SGIP1: variants seen among roughly 807,000 people sequenced by gnomAD.
The protein encoded by SGIP1 is SH3-containing GRB2-like protein 3-interacting protein 1.
SGIP1 carries 38 observed loss-of-function variants against 107.5 expected under a neutral mutation model. The observed-to-expected ratio is 0.35, with a 90% confidence interval of 0.27 to 0.46. The LOEUF (loss-of-function observed/expected upper bound fraction) is 0.46. SGIP1 is among the 20% of genes least tolerant of loss of function. SGIP1 has a pLI of 1.00. For synonymous variants in SGIP1, 365 were observed against 366.1 expected (o/e 1.00, Z 0.03); for missense variants, 929 against 1,019.5 (o/e 0.91, Z 1.21).
chr1:66,590,008 A>G (rs986190941), intron 1 of SGIP1, among the ~76,000 whole-genome samples: 1 of 152,164 alleles, frequency 6.6e-6, no homozygotes, highest in Non-Finnish European at 1.5e-5. Context: ...CAGGTGTTAA[A>G]TTCCTTGAGG....
chr1:66,749,156 T>TTC lies in SGIP1; in HGVS notation c.*6062_*6063insCT, dbSNP rs2094591922. 3.3e-5 allele frequency among the ~76,000 whole-genome samples: 5 copies of TTC among 152,028 alleles called. No individual in the cohort carries two copies. The South Asian group carries it at 1.0e-3, about 31-fold the overall frequency. ...CAAAACAATAAAATTATTTTAATTTTTGTATTATTTTTAAGGCTTGCACCT... is the reference window on the plus strand; with the variant it reads ...CAAAACAATAAAATTATTTTAATTTTTCTGTATTATTTTTAAGGCTTGCACCT... On this transcript the variant is annotated 3_prime_UTR_variant, in exon 25 of 25. Transcript: ENST00000371037.
intron 18 of SGIP1, among the ~76,000 whole-genome samples, chr1:66,711,172 T>C (rs986338219): frequency 6.6e-6 from 1 of 152,210 alleles, no homozygotes; most frequent in Non-Finnish European, 1.5e-5. Context: ...CCTTCTATCA[T>C]TATGTACTAT....
intron 1 of SGIP1, among the ~76,000 whole-genome samples, chr1:66,587,860 GA>G (rs1334200802): frequency 6.6e-6 from 1 of 151,942 alleles, no homozygotes; most frequent in Non-Finnish European, 1.5e-5. Flanking sequence ...AGAAAGAAAG[GA>G]AAAAACCCTT....
intron 19 of SGIP1, among the ~76,000 whole-genome samples, chr1:66,722,562 G>A (rs2093589742): frequency 6.6e-6 from 1 of 152,162 alleles, no homozygotes; most frequent in African/African-American, 2.4e-5. Flanking sequence ...TGGCTACTAT[G>A]TACCTGCCAT....
At chr1:66,544,169 C>T (rs974710353) in intron 1 of SGIP1, among the ~76,000 whole-genome samples, 1 of 152,284 alleles carries the variant, frequency 6.6e-6, no homozygotes, top group African/African-American at 2.4e-5. Context: ...CAAGCATACT[C>T]TATCATCCTT....
chr1:66,701,308 C>T (rs12035546), intron 18 of SGIP1, among the ~76,000 whole-genome samples: 22,330 of 152,060 alleles, frequency 0.15, 2,257 homozygotes, highest in East Asian at 0.51. Context: ...TTGCTAATAG[C>T]ACTTACCCCA....
At chr1:66,620,183 A>G (rs2070602562) in intron 1 of SGIP1, among the ~76,000 whole-genome samples, 1 of 152,120 alleles carries the variant, frequency 6.6e-6, no homozygotes, top group African/African-American at 2.4e-5. Flanking sequence ...AGGTCTGTAT[A>G]CTCTTAAAGC....
At chr1:66,634,285 A>G (rs1254263520) in intron 3 of SGIP1, 3 of 726,586 alleles carry the variant, frequency 4.1e-6, no homozygotes, top group South Asian at 1.7e-5. Flanking sequence ...TGCTGCTCCC[A>G]GACTGGATTG....
intron 1 of SGIP1, among the ~76,000 whole-genome samples, chr1:66,602,640 T>TA (rs141043247): frequency 1.0e-4 from 15 of 150,532 alleles, no homozygotes; most frequent in African/African-American, 3.2e-4. Flanking sequence ...TAAAGTATAA[T>TA]AATAAATAAA....
At chr1:66,636,056 TA>T in intron 4 of SGIP1, 41 bp downstream of exon 4, 1 of 1,566,436 alleles carries the variant, frequency 6.4e-7, no homozygotes, top group Middle Eastern at 1.7e-4. Context: ...CAAAGGGTTA[TA>T]AAAAACAGTG....
intron 1 of SGIP1, among the ~76,000 whole-genome samples, chr1:66,620,452 C>T (rs1470099037): frequency 2.6e-5 from 4 of 152,164 alleles, no homozygotes; most frequent in African/African-American, 9.7e-5. Context: ...CACAGTTCCA[C>T]ATGGCTGGGG....
intron 1 of SGIP1, among the ~76,000 whole-genome samples, chr1:66,563,792 T>C (rs1230646412): frequency 2.0e-5 from 3 of 152,024 alleles, no homozygotes; most frequent in Non-Finnish European, 4.4e-5. Flanking sequence ...CCTGTGGTAG[T>C]TGAAGAGAAA....
In SGIP1 at chr1:66,656,482, G is replaced by A. The variant is rs191384248; in HGVS notation, c.460-4031G>A. Among the ~76,000 whole-genome samples the A allele has an allele frequency of 1.5e-3, 227 of 152,188 alleles. 1 individual carries two copies. The highest frequency in any genetic ancestry group is 5.3e-3 in the African/African-American group (219 of 41,524). ...ACAGCAGCACAGGCGGTTTGTTTAC[G>A]CCAGCATCACCACAAGCACATGGGT... On this transcript the variant is annotated intron_variant, in intron 7 of 24. Coordinates refer to ENST00000371037, the MANE Select transcript of SGIP1 (RefSeq NM_032291.4).
intron 19 of SGIP1, among the ~76,000 whole-genome samples, chr1:66,727,501 T>C (rs1349100584): frequency 1.4e-4 from 21 of 152,212 alleles, no homozygotes; most frequent in Admixed American, 1.2e-3. Flanking sequence ...TCTACACCTA[T>C]TATGTGAGCT....
intron 8 of SGIP1, among the ~76,000 whole-genome samples, chr1:66,663,003 T>C (rs1212910784): frequency 1.3e-5 from 2 of 152,172 alleles, no homozygotes; most frequent in Non-Finnish European, 2.9e-5. Flanking sequence ...AATGAATAGG[T>C]GTTTTGTTTG....
chr1:66,570,838 C>T (rs2060283827), intron 1 of SGIP1, among the ~76,000 whole-genome samples: 1 of 151,888 alleles, frequency 6.6e-6, no homozygotes, highest in African/African-American at 2.4e-5. Flanking sequence ...TTGCTTGGGT[C>T]TGTCATTCTG....
At chr1:66,575,966 A>C (rs1037882525) in intron 1 of SGIP1, among the ~76,000 whole-genome samples, 2 of 152,214 alleles carry the variant, frequency 1.3e-5, no homozygotes, top group Non-Finnish European at 2.9e-5. Flanking sequence ...CAACATGTCT[A>C]GTCTGCAGGA....
At chr1:66,743,025 A>T (rs778526742) in intron 24 of SGIP1, 48 bp from the exon 25 acceptor site, 1 of 1,609,570 alleles carries the variant, frequency 6.2e-7, no homozygotes, top group South Asian at 1.1e-5. Flanking sequence ...TAATAATTAC[A>T]TTATTGAACT....
chr1:66,577,422 A>G (rs2061218136), intron 1 of SGIP1, among the ~76,000 whole-genome samples: 1 of 152,136 alleles, frequency 6.6e-6, no homozygotes, highest in Non-Finnish European at 1.5e-5. Flanking sequence ...TTTGATAAGC[A>G]TTCTCTGCTT....
Sources: gnomAD v4.1 joint callset for allele counts (sites outside exome capture counted in the v4.1 genomes callset) on GRCh38, gnomAD v4.1.1 for gene constraint, MANE v1.5 for transcripts, NCBI Gene and HGNC (gene_info 2026-07-23, HGNC 2026-07-21) for gene names.